AHNAK: variants seen among roughly 807,000 people sequenced by gnomAD.
AHNAK encodes neuroblast differentiation-associated protein AHNAK.
AHNAK carries 23 observed loss-of-function variants against 37.8 expected under a neutral mutation model. The ratio of observed to expected loss-of-function variants is 0.61; its 90% CI spans 0.44 to 0.86. The LOEUF is 0.86. Ranked by LOEUF, AHNAK falls within the 40% of genes least tolerant of loss-of-function variation. The pLI is 0.00. For missense variants in AHNAK, 7,411 were observed against 7,319.4 expected (o/e 1.01, Z -0.46); for synonymous variants, 2,481 against 2,636.3 (o/e 0.94, Z 1.80).
In AHNAK at chr11:62,521,036, T is replaced by C. The variant is rs114666146; in HGVS notation, c.13381A>G (p.Met4461Val). 795 of 1,614,080 alleles carry C rather than the reference T, an allele frequency of 4.9e-4. 1 individual carries two copies. Among genetic ancestry groups the C allele is most frequent in the Admixed American group, 7.5e-4 (45 of 60,004 alleles). ...TTCAGGTGCAAATCAAAGTCAGGCATAGAGATTTTGGGAGCTTTGATGTTC... is the reference window on the plus strand; with the variant it reads ...TTCAGGTGCAAATCAAAGTCAGGCACAGAGATTTTGGGAGCTTTGATGTTC... ...EMNIKAPKIS[M>V]PDFDLHLKGP... is the part of the protein sequence containing the mutation. Residue 4461 changes from methionine to valine, a missense_variant, in exon 5 of 5, where the codon ATG (methionine) becomes GTG (valine). By Grantham distance (21) the Met-to-Val change is conservative. Transcript: ENST00000378024.
chr11:62,482,947 GAA>G (rs1174335211), intron 5 of AHNAK, among the ~76,000 whole-genome samples: 3 of 152,042 alleles, frequency 2.0e-5, no homozygotes, highest in Admixed American at 2.0e-4. Flanking sequence ...GGCCTAGGAG[GAA>G]AAAGACAGGG....
Position 62,526,606 on chromosome 11 carries a change from A to G in AHNAK, c.7811T>C (p.Val2604Ala), listed in dbSNP as rs1940498234. The stretch of plus-strand genomic sequence containing the variant: ...TTCGGGGCCCTTGAGGTCACCTTCC[A>G]CTTTGGGCAGAGAAACATCCACATC... ...KGDVDVSLPK[V>A]EGDLKGPEVD... is the part of the protein sequence containing the mutation. The change falls in exon 5 of 5, where the codon GTG becomes GCG. Residue 2604 changes from valine to alanine, a missense_variant. Transcript: ENST00000378024. The G allele has an allele frequency of 6.2e-7, 1 of 1,613,222 alleles. No individual in the cohort carries two copies. Among genetic ancestry groups the G allele is most frequent in the Non-Finnish European group, 8.5e-7 (1 of 1,179,852 alleles).
chr11:62,525,862 TCTC>T lies in AHNAK; in HGVS notation c.8552_8554del (p.Gly2851del). ...TACCTTAGGGCCTGTAACATCCACA[TCTC>T]CTTTTATTTTTGGACCTGTGAGATT... is the stretch of plus-strand genomic sequence containing the variant. On this transcript the variant is annotated inframe_deletion, in exon 5 of 5. Coordinates refer to ENST00000378024, the MANE Select transcript of AHNAK (RefSeq NM_001620.3). 2.5e-6 allele frequency: 4 copies of T among 1,614,110 alleles called. No individual in the cohort carries two copies. The highest frequency in any genetic ancestry group is 3.4e-6 in the Non-Finnish European group (4 of 1,180,020).
At chr11:62,466,376 C>T (rs1938912521) in intron 5 of AHNAK, among the ~76,000 whole-genome samples, 1 of 152,008 alleles carries the variant, frequency 6.6e-6, no homozygotes, top group Non-Finnish European at 1.5e-5. Flanking sequence ...CCCCTGAACA[C>T]CAGAGTTGTA....
intron 5 of AHNAK, among the ~76,000 whole-genome samples, chr11:62,463,177 C>G (rs559311401): frequency 6.6e-6 from 1 of 150,990 alleles, no homozygotes; most frequent in South Asian, 2.1e-4. Flanking sequence ...ATCTGCCAGT[C>G]CTACAGACCA....
chr11:62,475,324 C>T (rs1939121434), intron 5 of AHNAK, among the ~76,000 whole-genome samples: 1 of 152,000 alleles, frequency 6.6e-6, no homozygotes, highest in Non-Finnish European at 1.5e-5. Context: ...TGGGGGGACC[C>T]CTGCAGCCAT....
chr11:62,499,799 G>A (rs1171817949), intron 4 of AHNAK, among the ~76,000 whole-genome samples: 1 of 152,258 alleles, frequency 6.6e-6, no homozygotes, highest in Non-Finnish European at 1.5e-5. Context: ...CTGGTAAAGG[G>A]AAAGTGAGTA....
At chr11:62,451,519 C>A (rs1938536513) in intron 5 of AHNAK, among the ~76,000 whole-genome samples, 1 of 152,014 alleles carries the variant, frequency 6.6e-6, no homozygotes. Context: ...GGGCAGATAA[C>A]TTGAGGTCAG....
intron 5 of AHNAK, among the ~76,000 whole-genome samples, chr11:62,444,525 C>T (rs1420167412): frequency 2.0e-5 from 3 of 152,248 alleles, no homozygotes; most frequent in South Asian, 2.1e-4. Context: ...CAGCGTGCCC[C>T]GCCCGGCAGC....
intron 5 of AHNAK, among the ~76,000 whole-genome samples, chr11:62,472,677 T>G (rs1939057396): frequency 6.6e-6 from 1 of 151,970 alleles, no homozygotes; most frequent in African/African-American, 2.4e-5. Flanking sequence ...GACTCCTACA[T>G]GAGAACTACC....
chr11:62,447,528 G>T (rs1419520980), intron 5 of AHNAK, among the ~76,000 whole-genome samples: 1 of 152,200 alleles, frequency 6.6e-6, no homozygotes. Context: ...GGGCCTCGGT[G>T]ACACTGACAC....
chr11:62,531,043 T>A lies in AHNAK; in HGVS notation c.3374A>T (p.Lys1125Ile), dbSNP rs750804214. ...VEGQGLDWSL[K>I]IPKMKMPKFS... ...CTTGGGCATTTTCATCTTGGGTATTTTCAGGCTCCAGTCCAGGCCTTGGCC... is the reference window on the plus strand; with the variant it reads ...CTTGGGCATTTTCATCTTGGGTATTATCAGGCTCCAGTCCAGGCCTTGGCC... Residue 1125 changes from lysine to isoleucine, a missense_variant, in exon 5 of 5, where the codon AAA becomes ATA. By Grantham distance (102) the Lys-to-Ile change is moderately radical. Transcript: ENST00000378024. The A allele has an allele frequency of 6.2e-7, 1 of 1,613,760 alleles. No homozygotes were observed. Among genetic ancestry groups the A allele is most frequent in the Non-Finnish European group, 8.5e-7 (1 of 1,179,918 alleles).
At chr11:62,493,014 T>TTCTTTTC (rs1177950438) in intron 4 of AHNAK, among the ~76,000 whole-genome samples, 34 of 143,158 alleles carry the variant, frequency 2.4e-4, no homozygotes, top group African/African-American at 8.7e-4. Context: ...TTCTTTTCTT[T>TTCTTTTC]TTTTTTTTTT....
At chr11:62,464,906 C>G (rs1565203219) in intron 5 of AHNAK, among the ~76,000 whole-genome samples, 1 of 152,272 alleles carries the variant, frequency 6.6e-6, no homozygotes, top group East Asian at 1.9e-4. Context: ...AACACCTGGT[C>G]TCAGTTTCTA....
intron 5 of AHNAK, among the ~76,000 whole-genome samples, chr11:62,447,621 A>G (rs1300268637): frequency 1.3e-5 from 2 of 149,118 alleles, no homozygotes; most frequent in African/African-American, 4.9e-5. Context: ...TGTTACCCAC[A>G]GTGAAAAGCC....
At position 62,467,252 on chromosome 11, in the gene AHNAK, A is replaced by G. The variant is rs11231097; in HGVS notation, c.442+24480T>C. The stretch of plus-strand genomic sequence containing the variant: ...AACTTAGAAAAATAGTATATCCTTG[A>G]AAGTAATATAATTGTACTTCTTTAA... On this transcript the variant is annotated intron_variant, in intron 5 of 5. Transcript: ENST00000257247. Among the ~76,000 whole-genome samples the G allele has an allele frequency of 8.7e-4, 132 of 152,078 alleles. 1 individual carries two copies. Among genetic ancestry groups the G allele is most frequent in the Middle Eastern group, 6.8e-3 (2 of 294 alleles).
At chr11:62,439,089 A>AT (rs11374757) in intron 5 of AHNAK, among the ~76,000 whole-genome samples, 28,606 of 92,566 alleles carry the variant, frequency 0.31, 5,852 homozygotes, top group East Asian at 0.57. Context: ...CAGTTTCCCT[A>AT]TTTTTTTTTT....
chr11:62,493,663 G>A lies in AHNAK; in HGVS notation c.343-1832C>T, dbSNP rs532052219. On this transcript the variant is annotated intron_variant, in intron 4 of 5. Transcript: ENST00000257247. ...TTTTATTTTTTAAGAGATGGGGGGG[G>A]TCCCACTATGTTGACCAGGCTGGTC... Among the ~76,000 whole-genome samples the A allele has an allele frequency of 1.9e-4, 29 of 150,772 alleles. No homozygotes were observed. In the South Asian group the frequency reaches 5.6e-3, roughly 29 times the overall value.
intron 4 of AHNAK, among the ~76,000 whole-genome samples, chr11:62,500,133 G>A (rs971073368): frequency 2.0e-5 from 3 of 152,244 alleles, no homozygotes; most frequent in Admixed American, 6.5e-5. Context: ...GCTTACCCAA[G>A]AGATTAAACA....
Sources: gnomAD v4.1 joint callset for allele counts (sites outside exome capture counted in the v4.1 genomes callset) on GRCh38, gnomAD v4.1.1 for gene constraint, MANE v1.5 for transcripts, NCBI Gene and HGNC (gene_info 2026-07-23, HGNC 2026-07-21) for gene names.